The following CNTNAP2 variants were observed in gnomAD, a reference collection of about 807,000 sequenced individuals.
The protein encoded by CNTNAP2 is contactin associated protein 2, also known as contactin-associated protein-like 2.
A neutral mutation model predicts 155.2 loss-of-function variants in CNTNAP2; 98 were observed. That is an observed-to-expected ratio of 0.63 (90% confidence interval 0.54 to 0.75). The LOEUF is 0.75. CNTNAP2 is among the 30% of genes least tolerant of loss of function. CNTNAP2 has a pLI of 0.00. For missense variants in CNTNAP2, 1,727 were observed against 1,688.1 expected, an observed-to-expected ratio of 1.02 and a Z score of -0.40; for synonymous variants, 651 against 631.2, an observed-to-expected ratio of 1.03 and a Z score of -0.47.
chr7:148,206,932 C>T (rs1231674863), intron 18 of CNTNAP2, among the ~76,000 whole-genome samples: 1 of 152,138 alleles, frequency 6.6e-6, no homozygotes, highest in East Asian at 1.9e-4. Flanking sequence ...GCATCCCACG[C>T]CCCACCCACA....
chr7:147,768,151 C>T (rs1443871989), intron 13 of CNTNAP2, among the ~76,000 whole-genome samples: 4 of 152,066 alleles, frequency 2.6e-5, no homozygotes, highest in South Asian at 4.1e-4. Context: ...TATCTAATGT[C>T]TCATCTGAAA....
intron 1 of CNTNAP2, among the ~76,000 whole-genome samples, chr7:146,174,998 G>A (rs932453506): frequency 6.6e-6 from 1 of 152,164 alleles, no homozygotes; most frequent in Non-Finnish European, 1.5e-5. Context: ...ATTACATGGA[G>A]CACAAGTTTC....
chr7:146,191,945 G>A (rs556279930), intron 1 of CNTNAP2, among the ~76,000 whole-genome samples: 39 of 152,232 alleles, frequency 2.6e-4, no homozygotes, highest in South Asian at 6.2e-4. Flanking sequence ...CTCAGCTTAC[G>A]AAGATGACAG....
Position 146,576,303 on chromosome 7 carries a change from T to C in CNTNAP2, c.98-197968T>C, listed in dbSNP as rs77326381. ...AAAGTGCTTTCTAGAGGAAAGCTTA[T>C]TTTAAAAGAGAATTTTCCCAACCAG... On this transcript the variant is annotated intron_variant, in intron 1 of 23. Coordinates refer to ENST00000361727, the MANE Select transcript of CNTNAP2 (RefSeq NM_014141.6). Among the ~76,000 whole-genome samples the C allele has an allele frequency of 3.5e-3, 529 of 152,348 alleles. 2 individuals are homozygous for C. Among genetic ancestry groups the C allele is most frequent in the Non-Finnish European group, 6.4e-3 (435 of 68,026 alleles).
At chr7:147,275,087 T>C (rs1804865977) in intron 8 of CNTNAP2, among the ~76,000 whole-genome samples, 1 of 152,160 alleles carries the variant, frequency 6.6e-6, no homozygotes, top group African/African-American at 2.4e-5. Context: ...TGAAATCAGA[T>C]AATGTGATGC....
At chr7:146,974,176 A>G (rs1797860383) in intron 3 of CNTNAP2, among the ~76,000 whole-genome samples, 1 of 152,112 alleles carries the variant, frequency 6.6e-6, no homozygotes, top group Non-Finnish European at 1.5e-5. Flanking sequence ...ACACACTATC[A>G]CTAAAAATCA....
intron 1 of CNTNAP2, among the ~76,000 whole-genome samples, chr7:146,259,665 G>A (rs973467895): frequency 2.0e-5 from 3 of 152,156 alleles, no homozygotes; most frequent in Non-Finnish European, 4.4e-5. Context: ...CATTGAAGAC[G>A]TGACCTGGCT....
intron 21 of CNTNAP2, among the ~76,000 whole-genome samples, chr7:148,381,136 A>G (rs1799049551): frequency 6.6e-6 from 1 of 152,248 alleles, no homozygotes; most frequent in African/African-American, 2.4e-5. Context: ...CCGTGGCAGC[A>G]TCTAGGGGTG....
At chr7:147,211,234 G>C (rs1448288240) in intron 8 of CNTNAP2, among the ~76,000 whole-genome samples, 1 of 151,906 alleles carries the variant, frequency 6.6e-6, no homozygotes, top group Non-Finnish European at 1.5e-5. Flanking sequence ...GGGTGTTTAA[G>C]TGCCTTATTA....
At chr7:148,167,565 TGA>T (rs1585163183) in intron 17 of CNTNAP2, among the ~76,000 whole-genome samples, 1 of 151,874 alleles carries the variant, frequency 6.6e-6, no homozygotes, top group Non-Finnish European at 1.5e-5. Flanking sequence ...TAATAGAATT[TGA>T]GAGTGTTTAC....
At chr7:147,864,732 C>A (rs1584998881) in intron 13 of CNTNAP2, among the ~76,000 whole-genome samples, 1 of 152,066 alleles carries the variant, frequency 6.6e-6, no homozygotes, top group South Asian at 2.1e-4. Context: ...CTCTGTTTGT[C>A]TGTTATTGGT....
At chr7:147,350,005 C>T (rs539307834) in intron 9 of CNTNAP2, among the ~76,000 whole-genome samples, 1 of 151,924 alleles carries the variant, frequency 6.6e-6, no homozygotes, top group South Asian at 2.1e-4. Context: ...ATATTTTTTG[C>T]ATGAATAATG....
At chr7:146,772,851 G>A (rs10242630) in intron 1 of CNTNAP2, among the ~76,000 whole-genome samples, 25,064 of 152,044 alleles carry the variant, frequency 0.16, 3,442 homozygotes, top group African/African-American at 0.38. Flanking sequence ...GAGCCAGAGA[G>A]CATTTTGAGT....
At chr7:146,520,812 C>G (rs549381611) in intron 1 of CNTNAP2, among the ~76,000 whole-genome samples, 10 of 151,978 alleles carry the variant, frequency 6.6e-5, no homozygotes, top group Admixed American at 5.9e-4. Context: ...TCCTGGATGT[C>G]TCCAGAAATG....
chr7:148,038,308 G>A (rs1802607335), intron 15 of CNTNAP2, among the ~76,000 whole-genome samples: 5 of 152,110 alleles, frequency 3.3e-5, no homozygotes, highest in Admixed American at 3.3e-4. Flanking sequence ...TGCCTTGAAC[G>A]CTGTATGCAT....
At chr7:148,208,795 C>A (rs1005151914) in intron 18 of CNTNAP2, among the ~76,000 whole-genome samples, 5 of 152,094 alleles carry the variant, frequency 3.3e-5, no homozygotes, top group African/African-American at 1.2e-4. Context: ...GCATTCTAAC[C>A]TATTGGTCAG....
intron 1 of CNTNAP2, among the ~76,000 whole-genome samples, chr7:146,210,754 A>G (rs1799021244): frequency 1.3e-5 from 2 of 152,144 alleles, no homozygotes; most frequent in South Asian, 4.1e-4. Context: ...TATTTACCAG[A>G]GTACTTTGGT....
intron 5 of CNTNAP2, among the ~76,000 whole-genome samples, chr7:147,114,638 CT>C (rs1800948569): frequency 1.3e-5 from 2 of 152,202 alleles, no homozygotes; most frequent in South Asian, 4.1e-4. Flanking sequence ...GCAACCCCTG[CT>C]TTTTTCTGTT....
intron 2 of CNTNAP2, among the ~76,000 whole-genome samples, chr7:146,837,474 A>G (rs1019599416): frequency 4.6e-5 from 7 of 152,112 alleles, no homozygotes; most frequent in Admixed American, 2.0e-4. Flanking sequence ...TTTATTTTAG[A>G]TAATAGAATT....
Sources: gnomAD v4.1 joint callset for allele counts (sites outside exome capture counted in the v4.1 genomes callset) on GRCh38, gnomAD v4.1.1 for gene constraint, MANE v1.5 for transcripts, NCBI Gene and HGNC (gene_info 2026-07-23, HGNC 2026-07-21) for gene names.